The following NELL1 variants were observed in gnomAD, a reference collection of about 807,000 sequenced individuals.
NELL1 encodes the protein neural EGFL like 1.
A neutral mutation model predicts 107.4 loss-of-function variants in NELL1; 76 were observed. The observed-to-expected ratio is 0.71, with a 90% CI of 0.59 to 0.86. The LOEUF is 0.86. Ranked by LOEUF, NELL1 falls within the 40% of genes least tolerant of loss-of-function variation. The pLI, the probability that NELL1 is intolerant of heterozygous loss-of-function variation, is 0.00. For synonymous variants in NELL1, 353 were observed against 341.2 expected (o/e 1.03, Z -0.38); for missense variants, 1,024 against 1,005.5 (o/e 1.02, Z -0.25).
intron 12 of NELL1, among the ~76,000 whole-genome samples, chr11:21,094,914 T>C (rs1333296464): frequency 6.6e-6 from 1 of 152,150 alleles, no homozygotes; most frequent in Non-Finnish European, 1.5e-5. Context: ...AACATTTGGC[T>C]CCTCATTACT....
chr11:21,545,767 G>A (rs915705727), intron 16 of NELL1, among the ~76,000 whole-genome samples: 1 of 151,954 alleles, frequency 6.6e-6, no homozygotes, highest in African/African-American at 2.4e-5. Context: ...ATTACTTCCT[G>A]TGAACTCAGT....
intron 2 of NELL1, among the ~76,000 whole-genome samples, chr11:20,774,664 G>C (rs962065370): frequency 4.6e-5 from 7 of 152,164 alleles, no homozygotes; most frequent in African/African-American, 1.7e-4. Flanking sequence ...TGCTGGTTCA[G>C]GGAATGCTCA....
intron 15 of NELL1, among the ~76,000 whole-genome samples, chr11:21,458,171 A>G (rs1412423389): frequency 6.6e-6 from 1 of 152,154 alleles, no homozygotes; most frequent in African/African-American, 2.4e-5. Flanking sequence ...CCTCCTTGTA[A>G]GAACCAGTAG....
At chr11:21,524,428 A>G (rs897103621) in intron 15 of NELL1, among the ~76,000 whole-genome samples, 1 of 152,180 alleles carries the variant, frequency 6.6e-6, no homozygotes, top group African/African-American at 2.4e-5. Flanking sequence ...AATGTATGTC[A>G]GAATTAAATG....
intron 12 of NELL1, among the ~76,000 whole-genome samples, chr11:21,025,469 AT>A (rs1590554219): frequency 6.6e-6 from 1 of 151,498 alleles, no homozygotes; most frequent in East Asian, 1.9e-4. Flanking sequence ...GCTATACTAG[AT>A]GAATAGATGC....
intron 13 of NELL1, among the ~76,000 whole-genome samples, chr11:21,223,753 T>C (rs1857821016): frequency 6.6e-6 from 1 of 152,182 alleles, no homozygotes; most frequent in Non-Finnish European, 1.5e-5. Context: ...GAGTTATACA[T>C]GAGTACTACT....
intron 11 of NELL1, among the ~76,000 whole-genome samples, chr11:20,950,884 G>C (rs538308554): frequency 4.9e-4 from 75 of 152,282 alleles, no homozygotes; most frequent in African/African-American, 1.8e-3. Flanking sequence ...AAGTGGCTGT[G>C]GCCTTTCAAC....
chr11:20,973,695 G>T (rs1851547969), intron 12 of NELL1, among the ~76,000 whole-genome samples: 1 of 152,178 alleles, frequency 6.6e-6, no homozygotes, highest in African/African-American at 2.4e-5. Flanking sequence ...GTTACAGCTT[G>T]CACATCTTTA....
At chr11:21,572,081 T>C (rs548347770) in intron 18 of NELL1, among the ~76,000 whole-genome samples, 23 of 116,758 alleles carry the variant, frequency 2.0e-4, no homozygotes, top group African/African-American at 6.4e-4. Context: ...TTGTAGTCAT[T>C]TTTTAAAACT....
chr11:20,711,514 A>G (rs1855113384), intron 2 of NELL1, among the ~76,000 whole-genome samples: 1 of 151,446 alleles, frequency 6.6e-6, no homozygotes, highest in African/African-American at 2.4e-5. Context: ...ATTTTGGTGT[A>G]TTTTGAGGTT....
At chr11:21,373,720 G>A (rs1851405643) in intron 15 of NELL1, among the ~76,000 whole-genome samples, 1 of 152,070 alleles carries the variant, frequency 6.6e-6, no homozygotes, top group African/African-American at 2.4e-5. Flanking sequence ...TGACATTTCA[G>A]TAACCTTAAA....
At chr11:20,919,166 A>G (rs1375904388) in intron 6 of NELL1, 86 bp from the exon 7 acceptor site, 5 of 730,484 alleles carry the variant, frequency 6.8e-6, no homozygotes, top group Non-Finnish European at 1.1e-5. Flanking sequence ...AAACTCTTCT[A>G]CATAGTCACG....
At chr11:21,424,938 G>A (rs1474813819) in intron 15 of NELL1, among the ~76,000 whole-genome samples, 1 of 152,108 alleles carries the variant, frequency 6.6e-6, no homozygotes, top group Non-Finnish European at 1.5e-5. Flanking sequence ...CTTGTTCTAT[G>A]AGGCCAGGAG....
chr11:21,333,345 C>A (rs1269575957), intron 14 of NELL1, among the ~76,000 whole-genome samples: 2 of 152,006 alleles, frequency 1.3e-5, no homozygotes, highest in African/African-American at 4.8e-5. Context: ...AAGGTGAAAT[C>A]AGACAATGTA....
intron 14 of NELL1, among the ~76,000 whole-genome samples, chr11:21,349,661 T>C (rs191009578): frequency 6.6e-6 from 1 of 152,188 alleles, no homozygotes; most frequent in African/African-American, 2.4e-5. Context: ...TCACTTGAGT[T>C]TGGGAATGTA....
At chr11:21,363,543 A>T (rs1851135168) in intron 14 of NELL1, among the ~76,000 whole-genome samples, 1 of 152,122 alleles carries the variant, frequency 6.6e-6, no homozygotes, top group Non-Finnish European at 1.5e-5. Flanking sequence ...GGAACAAAAG[A>T]TCATGGTGTG....
chr11:20,813,074 T>G (rs1857539755), intron 3 of NELL1, among the ~76,000 whole-genome samples: 1 of 128,886 alleles, frequency 7.8e-6, no homozygotes, highest in Non-Finnish European at 1.6e-5. Context: ...GAGATGGAAC[T>G]AGCTGAAAGC....
intron 15 of NELL1, among the ~76,000 whole-genome samples, chr11:21,465,598 C>G (rs891702126): frequency 1.3e-5 from 2 of 152,148 alleles, no homozygotes; most frequent in East Asian, 3.9e-4. Context: ...TTCTCTTTCT[C>G]TCAGACCCTC....
intron 16 of NELL1, among the ~76,000 whole-genome samples, chr11:21,539,722 G>C (rs1469243241): frequency 6.6e-6 from 1 of 151,140 alleles, no homozygotes; most frequent in African/African-American, 2.4e-5. Flanking sequence ...TATGGGTACA[G>C]GATACCCATA....
Sources: allele counts gnomAD v4.1 joint callset (sites outside exome capture counted in the v4.1 genomes callset), GRCh38; gene constraint gnomAD v4.1.1; transcripts MANE v1.5; gene names NCBI Gene and HGNC (gene_info 2026-07-23, HGNC 2026-07-21).